The following KAZN variants were observed in gnomAD, a reference collection of about 807,000 sequenced individuals.
The protein encoded by KAZN is kazrin.
A neutral mutation model predicts 87.4 loss-of-function variants in KAZN; 40 were observed. That is an observed-to-expected ratio of 0.46 (90% CI 0.36 to 0.60). The LOEUF (loss-of-function observed/expected upper bound fraction) is 0.60. Among genes scored for constraint, KAZN ranks in the 20% least tolerant of loss-of-function variants. KAZN has a pLI of 0.00. For synonymous variants in KAZN, 466 were observed against 458.3 expected, an observed-to-expected ratio of 1.02 and a Z score of -0.22; for missense variants, 898 against 1,073.9, an observed-to-expected ratio of 0.84 and a Z score of 2.29.
chr1:14,028,052 G>C (rs554857714), intron 1 of KAZN, among the ~76,000 whole-genome samples: 13 of 152,298 alleles, frequency 8.5e-5, no homozygotes, highest in Non-Finnish European at 1.5e-4. Context: ...CACTGGTGAG[G>C]CATGCCTGCT....
At chr1:14,558,361 C>T (rs1016353692) in intron 2 of KAZN, among the ~76,000 whole-genome samples, 1 of 152,174 alleles carries the variant, frequency 6.6e-6, no homozygotes, top group Non-Finnish European at 1.5e-5. Flanking sequence ...GAGCATGCAA[C>T]CTCCCAAGAA....
At chr1:14,748,430 A>G (rs1644319650) in intron 1 of KAZN, among the ~76,000 whole-genome samples, 1 of 152,070 alleles carries the variant, frequency 6.6e-6, no homozygotes, top group African/African-American at 2.4e-5. Flanking sequence ...GATTTGGGGC[A>G]AGCTGACCTT....
rs1003875481 is a variant in KAZN, at chr1:14,858,820, G to GC, written c.227-101862dup. Among the ~76,000 whole-genome samples the GC allele has an allele frequency of 2.4e-4, 37 of 152,178 alleles. 1 individual carries two copies. Among genetic ancestry groups the GC allele is most frequent in the African/African-American group, 8.2e-4 (34 of 41,506 alleles). On this transcript the variant is annotated intron_variant, in intron 1 of 14. Transcript: ENST00000376030. ...CTTAACTGAACAGCCCCTGTAACTC[G>GC]CCAGTGAATATGCTGTAGAGATATC...
chr1:14,002,503 T>C (rs796535453), intron 1 of KAZN, among the ~76,000 whole-genome samples: 113 of 152,356 alleles, frequency 7.4e-4, no homozygotes, highest in African/African-American at 2.4e-3. Context: ...TTTTGCCTTC[T>C]GCCATGATTC....
chr1:14,992,722 C>T (rs1415445156), intron 2 of KAZN, among the ~76,000 whole-genome samples: 1 of 152,128 alleles, frequency 6.6e-6, no homozygotes, highest in East Asian at 1.9e-4. Context: ...CGTCTCACTG[C>T]AACCTCCATG....
chr1:14,822,396 T>C (rs1318751016), intron 1 of KAZN, among the ~76,000 whole-genome samples: 3 of 152,170 alleles, frequency 2.0e-5, no homozygotes. Flanking sequence ...CTTTGGGTCT[T>C]TGGGTTTCAA....
At chr1:14,612,289 C>G (rs892633052) in intron 1 of KAZN, among the ~76,000 whole-genome samples, 7 of 152,198 alleles carry the variant, frequency 4.6e-5, no homozygotes, top group African/African-American at 1.4e-4. Flanking sequence ...GCCTTTATCA[C>G]TGACTTCCCA....
chr1:14,782,554 C>CAAAAAAAGAA (rs1645385742), intron 1 of KAZN, among the ~76,000 whole-genome samples: 1 of 66,252 alleles, frequency 1.5e-5, no homozygotes, highest in African/African-American at 5.8e-5. Flanking sequence ...CCTCAAAGAG[C>CAAAAAAAGAA]AAAAAAAAAA....
intron 2 of KAZN, among the ~76,000 whole-genome samples, chr1:14,475,056 A>G (rs1317544301): frequency 6.6e-6 from 1 of 152,050 alleles, no homozygotes; most frequent in East Asian, 1.9e-4. Context: ...TATTGGATGG[A>G]TGGATGGATA....
intron 2 of KAZN, among the ~76,000 whole-genome samples, chr1:14,446,002 G>A (rs1177828122): frequency 6.7e-6 from 1 of 150,152 alleles, no homozygotes; most frequent in African/African-American, 2.5e-5. Context: ...TCAAGACTGA[G>A]CAACATGGCA....
chr1:15,100,698 T>G (rs899979180), intron 10 of KAZN, among the ~76,000 whole-genome samples: 1 of 152,112 alleles, frequency 6.6e-6, no homozygotes, highest in African/African-American at 2.4e-5. Flanking sequence ...AGTGCAGTGG[T>G]AAGAGAGAGG....
rs144671559 is a variant in KAZN at position 14,922,890 on chromosome 1, T to G, written c.227-37794T>G. On this transcript the variant is annotated intron_variant, in intron 1 of 14. Transcript: ENST00000376030. ...GTTTCCATCATTGGGAAGGTGAGGATGCGGGGGCGGGGGGAAGCTGGGAAG... is the reference window on the plus strand; with the variant it reads ...GTTTCCATCATTGGGAAGGTGAGGAGGCGGGGGCGGGGGGAAGCTGGGAAG... 3.8e-4 allele frequency among the ~76,000 whole-genome samples: 57 copies of G among 151,702 alleles called. No individual in the cohort carries two copies. The East Asian group carries it at 0.011, about 29-fold the overall frequency.
intron 2 of KAZN, among the ~76,000 whole-genome samples, chr1:14,314,269 G>T: frequency 6.6e-6 from 1 of 152,086 alleles, no homozygotes; most frequent in South Asian, 2.1e-4. Context: ...CACCTACTGT[G>T]GTCATCTTGC....
At chr1:15,005,455 C>CTGTTT (rs766143797) in intron 2 of KAZN, among the ~76,000 whole-genome samples, 11 of 152,220 alleles carry the variant, frequency 7.2e-5, no homozygotes, top group South Asian at 2.1e-4. Flanking sequence ...CCACCCCTTC[C>CTGTTT]TGTTTTGTTT....
chr1:14,344,797 C>T (rs1657989513), intron 2 of KAZN, among the ~76,000 whole-genome samples: 1 of 152,092 alleles, frequency 6.6e-6, no homozygotes, highest in Non-Finnish European at 1.5e-5. Flanking sequence ...AGGACTCAAG[C>T]TGACAAAACT....
rs539291854 is a variant in KAZN at position 14,835,384 on chromosome 1, G to C, written c.227-125300G>C. Among the ~76,000 whole-genome samples the C allele has an allele frequency of 2.6e-4, 39 of 152,292 alleles. No individual in the cohort carries two copies. The South Asian group carries it at 6.6e-3, about 26-fold the overall frequency. ...GAGAGATGGGCTACAGCTCCAGAGAGTGTTTCTTGTACCCCGTAGGCAGAG... is the reference window on the plus strand; with the variant it reads ...GAGAGATGGGCTACAGCTCCAGAGACTGTTTCTTGTACCCCGTAGGCAGAG... On this transcript the variant is annotated intron_variant, in intron 1 of 14. Transcript: ENST00000376030.
At chr1:14,892,491 C>T (rs1411273311) in intron 1 of KAZN, among the ~76,000 whole-genome samples, 1 of 151,926 alleles carries the variant, frequency 6.6e-6, no homozygotes, top group Non-Finnish European at 1.5e-5. Context: ...TGTTTCCCCC[C>T]AGACACCACC....
intron 2 of KAZN, among the ~76,000 whole-genome samples, chr1:14,267,312 G>A (rs1211532905): frequency 1.5e-5 from 2 of 131,016 alleles, no homozygotes; most frequent in Non-Finnish European, 3.2e-5. Context: ...ACTGGAAGAA[G>A]AATTGTCTTG....
intron 1 of KAZN, chr1:14,924,700 G>A: frequency 2.4e-6 from 1 of 424,754 alleles, no homozygotes; most frequent in Non-Finnish European, 3.2e-6. Flanking sequence ...CTCGCAGCGC[G>A]CGGAGCCCCG....
Sources: allele counts gnomAD v4.1 joint callset (sites outside exome capture counted in the v4.1 genomes callset), GRCh38; gene constraint gnomAD v4.1.1; transcripts MANE v1.5; gene names NCBI Gene and HGNC (gene_info 2026-07-23, HGNC 2026-07-21).